STAT1: variants seen among roughly 807,000 people sequenced by gnomAD.
STAT1 encodes signal transducer and activator of transcription 1, also known as signal transducer and activator of transcription 1-alpha/beta.
Under a neutral mutation model 111.7 loss-of-function variants are expected in STAT1, and 24 were observed. The observed-to-expected ratio is 0.21, with a 90% CI of 0.16 to 0.30. The LOEUF is 0.30. STAT1 is among the 10% of genes least tolerant of loss of function. The probability of loss-of-function intolerance (pLI) is 1.00; values close to 1 mark genes in which losing one functional copy is unlikely to be tolerated. For missense variants in STAT1, 351 were observed against 911.9 expected (o/e 0.38, Z 7.92); for synonymous variants, 332 against 326.5 (o/e 1.02, Z -0.18).
In STAT1 at chr2:190,999,322, T is replaced by C. The variant is rs952018868; in HGVS notation, c.541+304A>G. On this transcript the variant is annotated intron_variant, in intron 7 of 24. Coordinates refer to ENST00000361099, the MANE Select transcript of STAT1 (RefSeq NM_007315.4). The surrounding 1 kb of genome is among the most constrained non-coding windows in gnomAD (Gnocchi z 4.1). Reference sequence around the variant, plus strand: ...AGGGGTCACTGACCCCTAGGGGACTTTTGGCAATCTCTGGAGACAGTTTTG... The same window carrying C: ...AGGGGTCACTGACCCCTAGGGGACTCTTGGCAATCTCTGGAGACAGTTTTG... Among the ~76,000 whole-genome samples the C allele has an allele frequency of 2.6e-5, 4 of 152,064 alleles. No homozygotes were observed. The highest frequency in any genetic ancestry group is 4.4e-5 in the Non-Finnish European group (3 of 68,004).
chr2:190,988,436 T>C (rs1276562754), intron 12 of STAT1, among the ~76,000 whole-genome samples: 5 of 152,222 alleles, frequency 3.3e-5, no homozygotes, highest in African/African-American at 1.2e-4. Context: ...TGGAGTGCAG[T>C]GGCATGATCT....
In STAT1 at chr2:191,007,508, G is replaced by A; in HGVS notation, c.372+55C>T. 2 of 1,316,910 alleles carry A rather than the reference G, an allele frequency of 1.5e-6. No homozygotes were observed. Among genetic ancestry groups the A allele is most frequent in the South Asian group, 2.4e-5 (2 of 84,520 alleles). 81.6% of individuals were successfully genotyped at this position (1,316,910 alleles called of 1,614,324 possible). On this transcript the variant is annotated intron_variant, in intron 5 of 24. Coordinates refer to ENST00000361099, the MANE Select transcript of STAT1 (RefSeq NM_007315.4). This position sits in a 1 kb window ranked among gnomAD's most constrained non-coding sequence, Gnocchi z 4.2. ...GACATGGGCCCTAATAGTATTTGAT[G>A]AATGAATACATTTTTATTTTATTAC...
chr2:190,989,727 A>T lies in STAT1; in HGVS notation c.1038-53T>A. On this transcript the variant is annotated intron_variant, in intron 11 of 24. Coordinates refer to ENST00000361099, the MANE Select transcript of STAT1 (RefSeq NM_007315.4). The surrounding 1 kb of genome is among the most constrained non-coding windows in gnomAD (Gnocchi z 5.0). The stretch of plus-strand genomic sequence containing the variant: ...TAAAAAAAATTATCTGTTACAATTT[A>T]TTTATTATGCCAATTCCCTATTAAC... The T allele has an allele frequency of 7.7e-7, 1 of 1,299,180 alleles. No homozygotes were observed. 80.5% of individuals were successfully genotyped at this position (1,299,180 alleles called of 1,614,324 possible).
chr2:190,982,562 C>G lies in STAT1; in HGVS notation c.1447-44G>C, dbSNP rs752215394. 30 of 1,609,692 alleles carry G rather than the reference C, an allele frequency of 1.9e-5. No homozygotes were observed. In the Admixed American group the frequency reaches 5.0e-4, roughly 27 times the overall value. Reference sequence around the variant, plus strand: ...AAATCTAAGGGTTACTACAGAGACACCAGTCACAAGTGTGGCACTAAAACA... The same window carrying G: ...AAATCTAAGGGTTACTACAGAGACAGCAGTCACAAGTGTGGCACTAAAACA... On this transcript the variant is annotated intron_variant, in intron 17 of 24. Transcript: ENST00000361099. This position sits in a 1 kb window ranked among gnomAD's most constrained non-coding sequence, Gnocchi z 7.3.
Position 190,993,289 on chromosome 2 carries a change from C to T in STAT1, c.944+1772G>A. The stretch of plus-strand genomic sequence containing the variant: ...TATTATTGAAGGACTCCTGATCTGT[C>T]ACATCATACACCACTAGGATGCCAT... On this transcript the variant is annotated intron_variant, in intron 10 of 24. Transcript: ENST00000361099. This position sits in a 1 kb window ranked among gnomAD's most constrained non-coding sequence, Gnocchi z 4.1. The T allele has an allele frequency of 1.5e-6, 1 of 650,626 alleles. No individual in the cohort carries two copies. Among genetic ancestry groups the T allele is most frequent in the Non-Finnish European group, 2.9e-6 (1 of 346,320 alleles). 40.3% of individuals were successfully genotyped at this position (650,626 alleles called of 1,614,324 possible). A position where few individuals can be genotyped will look rare whatever the true frequency, so the allele number is the denominator to read the frequency against.
At chr2:190,991,744 A>C (rs929610870) in intron 10 of STAT1, among the ~76,000 whole-genome samples, 1 of 151,712 alleles carries the variant, frequency 6.6e-6, no homozygotes, top group African/African-American at 2.4e-5. Flanking sequence ...ATTAGTCCCA[A>C]CTACTGGAGG....
At position 190,976,770 on chromosome 2, in the gene STAT1, G is replaced by C; in HGVS notation, c.2059+70C>G. ...GAAAGCAAAACACTGCATGGGTGGA[G>C]TTTCAGAATAATCACCCCCTCATCA... On this transcript the variant is annotated intron_variant, in intron 22 of 24. Transcript: ENST00000361099. The surrounding 1 kb of genome is among the most constrained non-coding windows in gnomAD (Gnocchi z 6.0). 4 of 1,381,760 alleles carry C rather than the reference G, an allele frequency of 2.9e-6. No individual in the cohort carries two copies. In the South Asian group the frequency reaches 3.5e-5, roughly 12 times the overall value. 85.6% of individuals were successfully genotyped at this position (1,381,760 alleles called of 1,614,324 possible).
In STAT1 at chr2:190,970,814, G is replaced by A; in HGVS notation, c.2239-97C>T. ...TGCTTGTCTATTCTAGAATGAAGTA[G>A]TAGGAAGATACTTGCAATGGCAAAT... On this transcript the variant is annotated intron_variant, in intron 24 of 24. Coordinates refer to ENST00000361099, the MANE Select transcript of STAT1 (RefSeq NM_007315.4). The surrounding 1 kb of genome is among the most constrained non-coding windows in gnomAD (Gnocchi z 5.4). The A allele has an allele frequency of 8.3e-7, 1 of 1,204,524 alleles. No homozygotes were observed. Among genetic ancestry groups the A allele is most frequent in the Non-Finnish European group, 1.2e-6 (1 of 815,138 alleles). The allele number at this position is 1,204,524 out of a possible 1,614,324, so 74.6% of individuals were successfully genotyped here. A position where few individuals can be genotyped will look rare whatever the true frequency, so the allele number is the denominator to read the frequency against.
chr2:191,005,955 A>T (rs1288576758), intron 5 of STAT1, among the ~76,000 whole-genome samples: 1 of 152,242 alleles, frequency 6.6e-6, no homozygotes, highest in East Asian at 1.9e-4. Flanking sequence ...TACATTTTTA[A>T]TGGGGAGGGA....
In STAT1 at chr2:190,969,601, G is replaced by T. The variant is rs1217310251; in HGVS notation, c.*1102C>A. 3 of 152,160 alleles carry T rather than the reference G, an allele frequency of 2.0e-5. No homozygotes were observed. In the South Asian group the frequency reaches 6.2e-4, roughly 31 times the overall value. 9.4% of individuals were successfully genotyped at this position (152,160 alleles called of 1,614,324 possible). ...TGGAAAAAGTACAGGAGAGAGAATG[G>T]AACCATTCGCAAATGTGAAAAACAC... is the stretch of plus-strand genomic sequence containing the variant. On this transcript the variant is annotated 3_prime_UTR_variant, in exon 25 of 25. Transcript: ENST00000361099.
At position 190,975,362 on chromosome 2, in the gene STAT1, G is replaced by C. The variant is rs902703665; in HGVS notation, c.2136-430C>G. The C allele has an allele frequency of 2.0e-6, 1 of 489,466 alleles. No individual in the cohort carries two copies. Among genetic ancestry groups the C allele is most frequent in the Non-Finnish European group, 4.1e-6 (1 of 242,106 alleles). The allele number at this position is 489,466 out of a possible 1,614,324, so 30.3% of individuals were successfully genotyped here. On this transcript the variant is annotated intron_variant, in intron 23 of 24. Coordinates refer to ENST00000361099, the MANE Select transcript of STAT1 (RefSeq NM_007315.4). The surrounding 1 kb of genome is among the most constrained non-coding windows in gnomAD (Gnocchi z 5.9). ...CTCCACACAGTGTTTTTACATGAAG[G>C]CTACATCCATTCACCCCAAGACAGT... is the stretch of plus-strand genomic sequence containing the variant.
intron 12 of STAT1, among the ~76,000 whole-genome samples, chr2:190,988,256 G>GTCCC (rs1693026085): frequency 6.6e-6 from 1 of 152,222 alleles, no homozygotes; most frequent in Non-Finnish European, 1.5e-5. Context: ...TCCCAGCTGA[G>GTCCC]TCCCAGTCAT....
chr2:190,991,697 ATTTGTTT>A (rs1185019713), intron 10 of STAT1, among the ~76,000 whole-genome samples: 2 of 147,366 alleles, frequency 1.4e-5, no homozygotes, highest in African/African-American at 5.1e-5. Flanking sequence ...TATCTTTACA[ATTTGTTT>A]TTTTTTTTTT....
At position 190,984,545 on chromosome 2, in the gene STAT1, A is replaced by G. The variant is rs114329633; in HGVS notation, c.1264-152T>C. On this transcript the variant is annotated intron_variant, in intron 15 of 24. Coordinates refer to ENST00000361099, the MANE Select transcript of STAT1 (RefSeq NM_007315.4). The surrounding 1 kb of genome is among the most constrained non-coding windows in gnomAD (Gnocchi z 5.2). ...TCAATATTCAATCTCTCCCAGATTT[A>G]ATGATTCTTAGTATCTCAGTGTGCT... 521 of 691,680 alleles carry G rather than the reference A, an allele frequency of 7.5e-4. 1 individual carries two copies. The African/African-American group carries it at 7.7e-3, about 10-fold the overall frequency. 42.8% of individuals were successfully genotyped at this position (691,680 alleles called of 1,614,324 possible). A position where few individuals can be genotyped will look rare whatever the true frequency, so the allele number is the denominator to read the frequency against.
Position 190,999,768 on chromosome 2 carries a change from G to C in STAT1, c.463-64C>G. The C allele has an allele frequency of 8.6e-7, 1 of 1,167,910 alleles. No individual in the cohort carries two copies. Among genetic ancestry groups the C allele is most frequent in the South Asian group, 1.2e-5 (1 of 80,760 alleles). 72.3% of individuals were successfully genotyped at this position (1,167,910 alleles called of 1,614,324 possible). The stretch of plus-strand genomic sequence containing the variant: ...CAACTTCCAAAGACTTTAGGCAACA[G>C]AGTATTGCTTCTATGGAACCCAGAG... On this transcript the variant is annotated intron_variant, in intron 6 of 24. Transcript: ENST00000361099. This position sits in a 1 kb window ranked among gnomAD's most constrained non-coding sequence, Gnocchi z 4.1.
At chr2:191,008,824 A>T (rs536846649) in intron 4 of STAT1, 139 bp downstream of exon 4, 2 of 874,992 alleles carry the variant, frequency 2.3e-6, no homozygotes, top group Non-Finnish European at 3.5e-6. Context: ...CTGATGCTGT[A>T]GAAAACATAA....
rs1240953570 is a variant in STAT1 at position 190,970,581 on chromosome 2, C to T, written c.*122G>A. 5.3e-6 allele frequency: 6 copies of T among 1,131,988 alleles called. No individual in the cohort carries two copies. Among genetic ancestry groups the T allele is most frequent in the African/African-American group, 1.5e-5 (1 of 64,886 alleles). The allele number at this position is 1,131,988 out of a possible 1,614,324, so 70.1% of individuals were successfully genotyped here. ...TTCACTTGCTATCAACAGGTTGCAG[C>T]GAATTTGCTGGCCTTTCTTTCATTT... On this transcript the variant is annotated 3_prime_UTR_variant, in exon 25 of 25. Transcript: ENST00000361099. This position sits in a 1 kb window ranked among gnomAD's most constrained non-coding sequence, Gnocchi z 5.4.
At position 190,971,835 on chromosome 2, in the gene STAT1, C is replaced by G. The variant is rs547465486; in HGVS notation, c.2239-1118G>C. Among the ~76,000 whole-genome samples the G allele has an allele frequency of 2.6e-4, 39 of 152,178 alleles. 1 individual carries two copies. The East Asian group carries it at 7.5e-3, about 29-fold the overall frequency. ...TCAAGCGATCCTCCTGCCTCAGCCC[C>G]CCTAGTAGCTGGGATTACAGGCACA... On this transcript the variant is annotated intron_variant, in intron 24 of 24. Coordinates refer to ENST00000361099, the MANE Select transcript of STAT1 (RefSeq NM_007315.4). This position sits in a 1 kb window ranked among gnomAD's most constrained non-coding sequence, Gnocchi z 4.1.
chr2:190,979,782 AG>A lies in STAT1; in HGVS notation c.1716del (p.Trp573GlyfsTer19), dbSNP rs1692216294. On this transcript the variant is annotated frameshift_variant, in exon 20 of 25. Coordinates refer to ENST00000361099, the MANE Select transcript of STAT1 (RefSeq NM_007315.4). LOFTEE classifies it high-confidence loss of function. This position sits in a 1 kb window ranked among gnomAD's most constrained non-coding sequence, Gnocchi z 5.8. Reference sequence around the variant, plus strand: ...ATCGGTGGCCCTTACCCATCATTCCAGAGAGGGAGCAGGTGTTTTTTAATGA... The same window carrying A: ...ATCGGTGGCCCTTACCCATCATTCCAAGAGGGAGCAGGTGTTTTTTAATGA... ...LELIKKHLLP[L>X]WNDGCIMGFI... is the part of the protein sequence containing the mutation. 6.2e-7 allele frequency: 1 copy of A among 1,613,052 alleles called. No individual in the cohort carries two copies. The highest frequency in any genetic ancestry group is 1.1e-5 in the South Asian group (1 of 91,066).
Sources: allele counts gnomAD v4.1 joint callset (sites outside exome capture counted in the v4.1 genomes callset), GRCh38; gene constraint gnomAD v4.1.1; non-coding constraint Gnocchi (gnomAD v3.1); transcripts MANE v1.5; gene names NCBI Gene and HGNC (gene_info 2026-07-23, HGNC 2026-07-21).